The following PEX7 variants were observed in gnomAD, a reference collection of about 807,000 sequenced individuals.
PEX7 encodes peroxisomal biogenesis factor 7, also known as PTS2 receptor.
PEX7 carries 34 observed loss-of-function variants against 47.5 expected under a neutral mutation model. That is an observed-to-expected ratio of 0.72 (90% CI 0.54 to 0.95). The LOEUF (loss-of-function observed/expected upper bound fraction) is 0.95. PEX7 is among the 40% of genes least tolerant of loss of function. PEX7 has a pLI of 0.00. For missense variants in PEX7, 394 were observed against 400.3 expected (o/e 0.98, Z 0.13); for synonymous variants, 141 against 148.8 (o/e 0.95, Z 0.38).
chr6:136,887,194 GAA>G (rs1395156214), intron 8 of PEX7, among the ~76,000 whole-genome samples: 1 of 152,062 alleles, frequency 6.6e-6, no homozygotes, highest in Non-Finnish European at 1.5e-5. Context: ...TGATGTAATA[GAA>G]AAAGAGATAC....
intron 3 of PEX7, among the ~76,000 whole-genome samples, chr6:136,837,776 G>C (rs1485008687): frequency 6.6e-6 from 1 of 150,890 alleles, no homozygotes; most frequent in Non-Finnish European, 1.5e-5. Flanking sequence ...GAGACTATTG[G>C]AACAACCAAA....
intron 3 of PEX7, among the ~76,000 whole-genome samples, chr6:136,838,138 A>G (rs1418238719): frequency 3.9e-5 from 6 of 152,272 alleles, no homozygotes; most frequent in African/African-American, 1.4e-4. Context: ...GGCAGGGATC[A>G]TGTGGATGCT....
chr6:136,872,280 T>A, intron 8 of PEX7, 27 bp downstream of exon 8: 1 of 1,568,286 alleles, frequency 6.4e-7, no homozygotes, highest in Non-Finnish European at 8.8e-7. Context: ...TACATTTCAT[T>A]GTGAAATACC....
chr6:136,824,585 G>T (rs1774154141), intron 1 of PEX7, among the ~76,000 whole-genome samples: 1 of 152,090 alleles, frequency 6.6e-6, no homozygotes, highest in South Asian at 2.1e-4. Context: ...TGTTTAAATA[G>T]AAGAGATTTT....
chr6:136,825,748 T>C (rs1774175901), intron 2 of PEX7, among the ~76,000 whole-genome samples: 1 of 152,136 alleles, frequency 6.6e-6, no homozygotes, highest in Non-Finnish European at 1.5e-5. Flanking sequence ...TTGGCCAGGC[T>C]GGTCTCAAAC....
chr6:136,894,529 G>A (rs1193183139), intron 8 of PEX7, among the ~76,000 whole-genome samples: 3 of 152,184 alleles, frequency 2.0e-5, no homozygotes, highest in African/African-American at 7.2e-5. Context: ...GGCAGAGGTT[G>A]CAGTGAGCCG....
intron 8 of PEX7, among the ~76,000 whole-genome samples, chr6:136,890,174 T>A (rs149755533): frequency 1.3e-3 from 194 of 152,326 alleles, no homozygotes; most frequent in Non-Finnish European, 1.7e-3. Context: ...ACGTGGAGAT[T>A]TAAAAAACCG....
At chr6:136,834,663 G>A (rs1446549699) in intron 3 of PEX7, among the ~76,000 whole-genome samples, 1 of 152,190 alleles carries the variant, frequency 6.6e-6, no homozygotes, top group Non-Finnish European at 1.5e-5. Flanking sequence ...GGTGGGTAAG[G>A]ATCATATCCT....
At chr6:136,880,124 A>ATT (rs543829813) in intron 8 of PEX7, among the ~76,000 whole-genome samples, 1 of 139,478 alleles carries the variant, frequency 7.2e-6, no homozygotes. Flanking sequence ...CTACTTCACT[A>ATT]TTTTTTTTTT....
At chr6:136,822,951 C>T in intron 1 of PEX7, 156 bp downstream of exon 1, 1 of 985,410 alleles carries the variant, frequency 1.0e-6, no homozygotes, top group South Asian at 4.7e-5. Context: ...CGGCGCTTCT[C>T]CTTTCTTTGC....
intron 9 of PEX7, among the ~76,000 whole-genome samples, chr6:136,904,699 C>T (rs533379425): frequency 8.6e-5 from 13 of 151,464 alleles, no homozygotes; most frequent in African/African-American, 3.2e-4. Context: ...TGTCTTCTGC[C>T]ATGATCGTGA....
chr6:136,898,675 C>T (rs1208037953), intron 9 of PEX7, among the ~76,000 whole-genome samples: 2 of 152,120 alleles, frequency 1.3e-5, no homozygotes, highest in East Asian at 1.9e-4. Context: ...CACCACGTGT[C>T]GAATGGGAGG....
intron 8 of PEX7, among the ~76,000 whole-genome samples, chr6:136,884,864 T>C (rs1775440261): frequency 1.3e-5 from 2 of 152,202 alleles, no homozygotes; most frequent in African/African-American, 4.8e-5. Context: ...CTTGATTCTT[T>C]CTAAACTTCA....
At chr6:136,858,058 C>T (rs536071860) in intron 5 of PEX7, among the ~76,000 whole-genome samples, 7 of 152,334 alleles carry the variant, frequency 4.6e-5, no homozygotes, top group African/African-American at 1.7e-4. Context: ...TCAAGCAATC[C>T]TCCCGCCTTC....
chr6:136,839,055 C>A (rs990491167), intron 3 of PEX7, among the ~76,000 whole-genome samples: 19 of 151,938 alleles, frequency 1.3e-4, no homozygotes, highest in Admixed American at 6.6e-4. Context: ...GTGGTGTGCA[C>A]CTGTGGTCCC....
At chr6:136,879,658 T>G (rs1446065845) in intron 8 of PEX7, among the ~76,000 whole-genome samples, 1 of 152,188 alleles carries the variant, frequency 6.6e-6, no homozygotes, top group African/African-American at 2.4e-5. Flanking sequence ...GGTCTTCTTT[T>G]ATTCCTAGAA....
chr6:136,847,632 T>G (rs1171649486), intron 5 of PEX7, among the ~76,000 whole-genome samples: 1 of 151,974 alleles, frequency 6.6e-6, no homozygotes, highest in African/African-American at 2.4e-5. Flanking sequence ...TTTTCTCAGG[T>G]TTGTCAAAGA....
At chr6:136,861,160 T>C (rs113728890) in intron 5 of PEX7, among the ~76,000 whole-genome samples, 12 of 152,072 alleles carry the variant, frequency 7.9e-5, no homozygotes, top group African/African-American at 2.4e-4. Flanking sequence ...TCTTGGCTCA[T>C]TGTAGCCTCT....
intron 3 of PEX7, among the ~76,000 whole-genome samples, chr6:136,832,354 C>T (rs545722093): frequency 1.4e-3 from 216 of 152,380 alleles, no homozygotes; most frequent in Non-Finnish European, 2.6e-3. Context: ...AGCAGGGCCA[C>T]TCAGGCCCAC....
Sources: allele counts gnomAD v4.1 joint callset (sites outside exome capture counted in the v4.1 genomes callset), GRCh38; gene constraint gnomAD v4.1.1; transcripts MANE v1.5; gene names NCBI Gene and HGNC (gene_info 2026-07-23, HGNC 2026-07-21).